The following PRKN variants were observed in gnomAD, a reference collection of about 807,000 sequenced individuals.
PRKN encodes the protein E3 ubiquitin-protein ligase parkin.
A neutral mutation model predicts 59.5 loss-of-function variants in PRKN; 56 were observed. The ratio of observed to expected loss-of-function variants is 0.94; its 90% confidence interval spans 0.76 to 1.18. The LOEUF (loss-of-function observed/expected upper bound fraction) is 1.18, where lower values mean the gene tolerates loss of function less well. Ranked by LOEUF, PRKN falls within the 50% of genes most tolerant of loss-of-function variation. The probability of loss-of-function intolerance (pLI) is 0.00; values close to 1 mark genes in which losing one functional copy is unlikely to be tolerated. For synonymous variants in PRKN, 250 were observed against 222.1 expected, an observed-to-expected ratio of 1.13 and a Z score of -1.12; for missense variants, 657 against 596.4, an observed-to-expected ratio of 1.10 and a Z score of -1.06.
chr6:162,284,132 G>A (rs73024728), intron 2 of PRKN, among the ~76,000 whole-genome samples: 5,520 of 151,728 alleles, frequency 0.036, 143 homozygotes, highest in Non-Finnish European at 0.057. Context: ...GGGCTTTCAT[G>A]GGCCCAGGAT....
rs561235876 is a variant in PRKN, at chr6:161,765,443, C to T, written c.871+20329G>A. On this transcript the variant is annotated intron_variant, in intron 7 of 11. Coordinates refer to ENST00000366898, the MANE Select transcript of PRKN (RefSeq NM_004562.3). Reference sequence around the variant, plus strand: ...ATCAGAAGGAAGAATGGCAAAATTACAGCCTAGACGTTTGCTTTGGAAAAT... The same window carrying T: ...ATCAGAAGGAAGAATGGCAAAATTATAGCCTAGACGTTTGCTTTGGAAAAT... Among the ~76,000 whole-genome samples the T allele has an allele frequency of 2.6e-5, 4 of 152,298 alleles. No homozygotes were observed. In the East Asian group the frequency reaches 7.7e-4, roughly 29 times the overall value.
chr6:162,411,801 C>T (rs2128154979), intron 2 of PRKN, among the ~76,000 whole-genome samples: 1 of 152,162 alleles, frequency 6.6e-6, no homozygotes, highest in East Asian at 1.9e-4. Flanking sequence ...CCGTCTTTTT[C>T]CTCTAACCTC....
At chr6:162,430,584 C>CATATATATAT (rs147788688) in intron 2 of PRKN, among the ~76,000 whole-genome samples, 12 of 150,082 alleles carry the variant, frequency 8.0e-5, no homozygotes, top group African/African-American at 2.4e-4. Flanking sequence ...AACTGGCTTA[C>CATATATATAT]ATATATATAT....
At position 161,396,800 on chromosome 6, in the gene PRKN, C is replaced by T. The variant is rs865823341; in HGVS notation, c.1084-9923G>A. On this transcript the variant is annotated intron_variant, in intron 9 of 11. Coordinates refer to ENST00000366898, the MANE Select transcript of PRKN (RefSeq NM_004562.3). This position sits in a 1 kb window ranked among gnomAD's most constrained non-coding sequence, Gnocchi z 5.4. Reference sequence around the variant, plus strand: ...ACAGCAGGGGAGGCGAAATGCTTTCCCTGAATACCTGGGCCCGCCCTGGGC... The same window carrying T: ...ACAGCAGGGGAGGCGAAATGCTTTCTCTGAATACCTGGGCCCGCCCTGGGC... Among the ~76,000 whole-genome samples the T allele has an allele frequency of 6.6e-6, 1 of 152,162 alleles. No homozygotes were observed. Among genetic ancestry groups the T allele is most frequent in the Non-Finnish European group, 1.5e-5 (1 of 68,036 alleles).
intron 1 of PRKN, among the ~76,000 whole-genome samples, chr6:162,527,291 G>A (rs1005469435): frequency 5.3e-5 from 8 of 152,220 alleles, no homozygotes; most frequent in Non-Finnish European, 2.9e-5. Flanking sequence ...GTTACAGTGA[G>A]TGTATGATAG....
chr6:162,501,140 C>T (rs6920233), intron 1 of PRKN, among the ~76,000 whole-genome samples: 3 of 151,856 alleles, frequency 2.0e-5, no homozygotes, highest in African/African-American at 4.8e-5. Context: ...CTGGGCAACA[C>T]GGCAAGACTC....
At chr6:162,031,303 T>C (rs1217174337) in intron 5 of PRKN, among the ~76,000 whole-genome samples, 2 of 151,932 alleles carry the variant, frequency 1.3e-5, no homozygotes, top group Non-Finnish European at 2.9e-5. Flanking sequence ...TTAGACTGCA[T>C]GTTTGAAATA....
intron 1 of PRKN, among the ~76,000 whole-genome samples, chr6:162,641,212 G>T (rs1777945671): frequency 6.6e-6 from 1 of 152,040 alleles, no homozygotes; most frequent in Non-Finnish European, 1.5e-5. Context: ...ATAGTTTGAG[G>T]TAATTAAGAC....
At chr6:161,916,892 G>A (rs1157523280) in intron 6 of PRKN, among the ~76,000 whole-genome samples, 2 of 152,136 alleles carry the variant, frequency 1.3e-5, no homozygotes, top group African/African-American at 2.4e-5. Flanking sequence ...TCCGCCTCCC[G>A]GGTTCACGCC....
At chr6:162,726,906 G>A (rs991199809) in intron 1 of PRKN, among the ~76,000 whole-genome samples, 24 of 152,100 alleles carry the variant, frequency 1.6e-4, no homozygotes, top group African/African-American at 5.5e-4. Flanking sequence ...CCCTGGAAGA[G>A]AGGACCTTTG....
intron 1 of PRKN, among the ~76,000 whole-genome samples, chr6:162,718,722 A>C (rs1778818629): frequency 6.6e-6 from 1 of 152,130 alleles, no homozygotes; most frequent in African/African-American, 2.4e-5. Flanking sequence ...CAAAAAAAAA[A>C]AAATTTATTC....
chr6:161,442,995 A>G lies in PRKN; in HGVS notation c.1084-56118T>C, dbSNP rs796260696. ...GTTAACTGACCTGCTCGAGGTGAAGAAAATGAGTAGGGATTAGAATCAGGG... is the reference window on the plus strand; with the variant it reads ...GTTAACTGACCTGCTCGAGGTGAAGGAAATGAGTAGGGATTAGAATCAGGG... On this transcript the variant is annotated intron_variant, in intron 9 of 11. Transcript: ENST00000366898. The surrounding 1 kb of genome is among the most constrained non-coding windows in gnomAD (Gnocchi z 4.6). Among the ~76,000 whole-genome samples, 1 of 152,270 alleles carries G rather than the reference A, an allele frequency of 6.6e-6. No individual in the cohort carries two copies.
intron 2 of PRKN, among the ~76,000 whole-genome samples, chr6:162,353,629 C>T (rs1784717133): frequency 6.6e-6 from 1 of 152,030 alleles, no homozygotes; most frequent in Non-Finnish European, 1.5e-5. Flanking sequence ...TTGGATTAAT[C>T]AACTATGTAG....
chr6:162,082,372 T>A (rs548683030), intron 4 of PRKN, among the ~76,000 whole-genome samples: 4 of 152,028 alleles, frequency 2.6e-5, no homozygotes, highest in Non-Finnish European at 5.9e-5. Flanking sequence ...TAGTCTCAGG[T>A]ATATCTTTAT....
chr6:162,214,960 A>G (rs748813697), intron 3 of PRKN, among the ~76,000 whole-genome samples: 1 of 152,130 alleles, frequency 6.6e-6, no homozygotes, highest in Non-Finnish European at 1.5e-5. Context: ...ATAAATATTC[A>G]CCTTTCTTCC....
chr6:161,882,662 A>G (rs1794981519), intron 6 of PRKN, among the ~76,000 whole-genome samples: 1 of 152,196 alleles, frequency 6.6e-6, no homozygotes, highest in Non-Finnish European at 1.5e-5. Context: ...TCTCATTTCC[A>G]TATCAAAGCA....
At chr6:162,396,495 T>C (rs1390928379) in intron 2 of PRKN, among the ~76,000 whole-genome samples, 1 of 152,122 alleles carries the variant, frequency 6.6e-6, no homozygotes, top group Non-Finnish European at 1.5e-5. Flanking sequence ...CCTTTGTGAC[T>C]GTGGCAACTT....
intron 3 of PRKN, among the ~76,000 whole-genome samples, chr6:162,219,114 C>A (rs867109240): frequency 3.3e-5 from 5 of 152,128 alleles, no homozygotes; most frequent in Admixed American, 6.6e-5. Flanking sequence ...TCACTTGAAC[C>A]CAGTAGGTCA....
chr6:162,531,622 T>A lies in PRKN; in HGVS notation c.8-88149A>T, dbSNP rs1035729146. The stretch of plus-strand genomic sequence containing the variant: ...CATCTGGGTGGGGCCAGCTGATCCA[T>A]CAAGTGCAGGGTCTGCAAATATCTC... On this transcript the variant is annotated intron_variant, in intron 1 of 11. Coordinates refer to ENST00000366898, the MANE Select transcript of PRKN (RefSeq NM_004562.3). Among the ~76,000 whole-genome samples the A allele has an allele frequency of 4.6e-5, 7 of 150,986 alleles. No individual in the cohort carries two copies. In the East Asian group the frequency reaches 1.4e-3, roughly 29 times the overall value.
Sources: gnomAD v4.1 joint callset for allele counts (sites outside exome capture counted in the v4.1 genomes callset) on GRCh38, gnomAD v4.1.1 for gene constraint, Gnocchi (gnomAD v3.1) non-coding constraint, MANE v1.5 for transcripts, NCBI Gene and HGNC (gene_info 2026-07-23, HGNC 2026-07-21) for gene names.